Variants in GPC5 observed in about 807,000 individuals in gnomAD.
GPC5 encodes the protein glypican 5, also known as glypican-5.
In GPC5, 47 loss-of-function variants were observed where a neutral mutation model predicts 53.9. The observed-to-expected ratio is 0.87, with a 90% CI of 0.69 to 1.11. The LOEUF is 1.11. Ranked by LOEUF, GPC5 falls within the 50% of genes most tolerant of loss-of-function variation. The probability of loss-of-function intolerance (pLI) is 0.00; values close to 1 mark genes in which losing one functional copy is unlikely to be tolerated. For missense variants in GPC5, 748 were observed against 713.1 expected (o/e 1.05, Z -0.56); for synonymous variants, 286 against 263.3 (o/e 1.09, Z -0.84).
At chr13:92,252,566 T>C (rs2042699859) in intron 7 of GPC5, among the ~76,000 whole-genome samples, 1 of 152,056 alleles carries the variant, frequency 6.6e-6, no homozygotes, top group Non-Finnish European at 1.5e-5. Flanking sequence ...TAAAAATACA[T>C]CTATAGATAT....
chr13:92,754,828 A>G (rs1874783781), intron 7 of GPC5, among the ~76,000 whole-genome samples: 2 of 146,404 alleles, frequency 1.4e-5, no homozygotes, highest in African/African-American at 5.1e-5. Context: ...AGATTCATAA[A>G]GCAAGTCCAG....
At chr13:91,926,647 C>A (rs1175943663) in intron 6 of GPC5, among the ~76,000 whole-genome samples, 1 of 152,134 alleles carries the variant, frequency 6.6e-6, no homozygotes, top group East Asian at 1.9e-4. Flanking sequence ...CTAAGCTACC[C>A]CTTTGGCTTA....
At position 92,425,314 on chromosome 13, in the gene GPC5, G is replaced by A. The variant is rs139162909; in HGVS notation, c.1561+280325G>A. Among the ~76,000 whole-genome samples, 1,119 of 152,088 alleles carry A rather than the reference G, an allele frequency of 7.4e-3. 15 individuals carry two copies. Among genetic ancestry groups the A allele is most frequent in the African/African-American group, 0.026 (1,079 of 41,528 alleles). On this transcript the variant is annotated intron_variant, in intron 7 of 7. Coordinates refer to ENST00000377067, the MANE Select transcript of GPC5 (RefSeq NM_004466.6). ...AGTTAAATATAAATAGTTTCTAGAT[G>A]TAGTAAAAGTTTACCATCTCCCACC...
chr13:92,600,275 G>A lies in GPC5; in HGVS notation c.1562-266007G>A, dbSNP rs559527539. Reference sequence around the variant, plus strand: ...ATATTTGAATATATTTCATCATCTTGTATGTGCTTTGATCTTATTTTTGAC... The same window carrying A: ...ATATTTGAATATATTTCATCATCTTATATGTGCTTTGATCTTATTTTTGAC... On this transcript the variant is annotated intron_variant, in intron 7 of 7. Coordinates refer to ENST00000377067, the MANE Select transcript of GPC5 (RefSeq NM_004466.6). Among the ~76,000 whole-genome samples, 6 of 152,108 alleles carry A rather than the reference G, an allele frequency of 3.9e-5. No homozygotes were observed. The South Asian group carries it at 1.2e-3, about 32-fold the overall frequency.
intron 7 of GPC5, among the ~76,000 whole-genome samples, chr13:92,374,619 C>T (rs973290084): frequency 3.4e-5 from 5 of 147,498 alleles, no homozygotes; most frequent in Non-Finnish European, 5.9e-5. Context: ...AACCAAACAC[C>T]GCATATTCTC....
intron 7 of GPC5, among the ~76,000 whole-genome samples, chr13:92,438,696 A>T (rs939828268): frequency 6.6e-6 from 1 of 152,078 alleles, no homozygotes; most frequent in South Asian, 2.1e-4. Context: ...TGTTACTGGG[A>T]CAATGGTCGT....
At chr13:91,915,556 T>C (rs2039650223) in intron 6 of GPC5, among the ~76,000 whole-genome samples, 1 of 152,186 alleles carries the variant, frequency 6.6e-6, no homozygotes, top group Non-Finnish European at 1.5e-5. Flanking sequence ...CATGTTATCA[T>C]TTCCATTAAG....
chr13:92,387,403 C>T (rs1407544651), intron 7 of GPC5, among the ~76,000 whole-genome samples: 1 of 152,036 alleles, frequency 6.6e-6, no homozygotes, highest in Admixed American at 6.6e-5. Flanking sequence ...CAGGACATAA[C>T]CTCATCGTAA....
chr13:92,292,438 C>A (rs562183693), intron 7 of GPC5, among the ~76,000 whole-genome samples: 11 of 152,016 alleles, frequency 7.2e-5, no homozygotes, highest in Non-Finnish European at 1.3e-4. Flanking sequence ...AGTAATGTTG[C>A]GCATTTTTTC....
chr13:92,478,611 C>T (rs1417979553), intron 7 of GPC5, among the ~76,000 whole-genome samples: 1 of 152,004 alleles, frequency 6.6e-6, no homozygotes, highest in Non-Finnish European at 1.5e-5. Context: ...ATATGTAAAT[C>T]TATATCAGTT....
At chr13:92,763,450 C>G in intron 7 of GPC5, among the ~76,000 whole-genome samples, 1 of 152,074 alleles carries the variant, frequency 6.6e-6, no homozygotes, top group East Asian at 1.9e-4. Context: ...TGTTGGGGTG[C>G]TTAGTGACAA....
intron 2 of GPC5, among the ~76,000 whole-genome samples, chr13:91,533,204 G>T (rs1266282747): frequency 6.6e-6 from 1 of 152,176 alleles, no homozygotes; most frequent in African/African-American, 2.4e-5. Flanking sequence ...AGAGCTAAAT[G>T]TGGAGTGACT....
chr13:91,661,096 A>T (rs1362323638), intron 2 of GPC5, among the ~76,000 whole-genome samples: 4 of 152,126 alleles, frequency 2.6e-5, no homozygotes, highest in Non-Finnish European at 5.9e-5. Context: ...TTGTTGATAC[A>T]CACTGTAAGG....
chr13:92,703,054 ATTTATT>A (rs1887810620), intron 7 of GPC5, among the ~76,000 whole-genome samples: 1 of 69,182 alleles, frequency 1.4e-5, no homozygotes, highest in Non-Finnish European at 3.8e-5. Context: ...ATATATATAT[ATTTATT>A]TATTTATTTA....
chr13:91,904,642 G>T (rs1456467426), intron 5 of GPC5, among the ~76,000 whole-genome samples: 1 of 151,946 alleles, frequency 6.6e-6, no homozygotes, highest in Non-Finnish European at 1.5e-5. Context: ...ATTACATGGT[G>T]GGTTAGTCCA....
At chr13:91,620,828 G>T (rs1008030147) in intron 2 of GPC5, among the ~76,000 whole-genome samples, 1 of 152,132 alleles carries the variant, frequency 6.6e-6, no homozygotes, top group Non-Finnish European at 1.5e-5. Context: ...CATAGCTATT[G>T]CTCTGCAATA....
At chr13:92,248,568 G>T (rs9523548) in intron 7 of GPC5, among the ~76,000 whole-genome samples, 9 of 151,934 alleles carry the variant, frequency 5.9e-5, no homozygotes, top group Non-Finnish European at 1.2e-4. Context: ...AAGAGAAAAT[G>T]TATGTAAAGG....
chr13:91,539,077 T>C (rs1317504936), intron 2 of GPC5, among the ~76,000 whole-genome samples: 6 of 152,226 alleles, frequency 3.9e-5, no homozygotes, highest in African/African-American at 1.4e-4. Flanking sequence ...AGGTTTATTG[T>C]GTTGCTTGTT....
At chr13:92,707,456 G>A (rs1010337467) in intron 7 of GPC5, among the ~76,000 whole-genome samples, 49 of 151,878 alleles carry the variant, frequency 3.2e-4, no homozygotes, top group Non-Finnish European at 8.8e-5. Flanking sequence ...GTTTCCAACG[G>A]CCCTTGACTA....
Sources: gnomAD v4.1 joint callset for allele counts (sites outside exome capture counted in the v4.1 genomes callset) on GRCh38, gnomAD v4.1.1 for gene constraint, MANE v1.5 for transcripts, NCBI Gene and HGNC (gene_info 2026-07-23, HGNC 2026-07-21) for gene names.